Variants in NAV2 observed in about 807,000 individuals in gnomAD.
NAV2 encodes the protein neuron navigator 2, also known as helicase, APC down-regulated 1.
A neutral mutation model predicts 223.2 loss-of-function variants in NAV2; 54 were observed. That is an observed-to-expected ratio of 0.24 (90% CI 0.19 to 0.30). NAV2 has a LOEUF of 0.30. Among genes scored for constraint, NAV2 ranks in the 10% least tolerant of loss-of-function variants. NAV2 has a pLI of 1.00. For synonymous variants in NAV2, 1,279 were observed against 1,239.3 expected (o/e 1.03, Z -0.67); for missense variants, 2,806 against 3,147.5 (o/e 0.89, Z 2.60).
chr11:20,087,979 T>G (rs1216109208), intron 26 of NAV2, among the ~76,000 whole-genome samples: 1 of 152,070 alleles, frequency 6.6e-6, no homozygotes, highest in African/African-American at 2.4e-5. Flanking sequence ...GTAAATGTGA[T>G]CAGATGCCAG....
At chr11:19,910,585 G>A (rs577555295) in intron 6 of NAV2, among the ~76,000 whole-genome samples, 15 of 152,314 alleles carry the variant, frequency 9.8e-5, no homozygotes, top group African/African-American at 2.9e-4. Flanking sequence ...CTAGCCAGGC[G>A]CGGTGGCTTA....
intron 3 of NAV2, among the ~76,000 whole-genome samples, chr11:19,864,248 G>A (rs765223300): frequency 1.3e-5 from 2 of 152,166 alleles, no homozygotes; most frequent in Non-Finnish European, 2.9e-5. Flanking sequence ...CATTTATTTG[G>A]TATGCCCAGA....
intron 1 of NAV2, among the ~76,000 whole-genome samples, chr11:19,449,527 C>A (rs1421069783): frequency 6.6e-6 from 1 of 151,966 alleles, no homozygotes; most frequent in African/African-American, 2.4e-5. Flanking sequence ...CTGCCCATAC[C>A]TCCTCAGGCA....
chr11:19,560,654 C>T (rs2045061415), intron 1 of NAV2, among the ~76,000 whole-genome samples: 1 of 152,148 alleles, frequency 6.6e-6, no homozygotes, highest in African/African-American at 2.4e-5. Context: ...TATTGCTATA[C>T]AAATATTGGT....
At chr11:20,050,247 C>G (rs1303069001) in intron 16 of NAV2, among the ~76,000 whole-genome samples, 1 of 152,134 alleles carries the variant, frequency 6.6e-6, no homozygotes, top group Non-Finnish European at 1.5e-5. Flanking sequence ...TTGCCACCCC[C>G]AACCCCAAGC....
At chr11:19,346,551 C>A (rs568865542), upstream of NAV2, among the ~76,000 whole-genome samples, 5 of 152,374 alleles carry the variant, frequency 3.3e-5, no homozygotes, top group East Asian at 9.6e-4. Context: ...ACTCAGGCGG[C>A]GGCGGTGGCA....
chr11:19,846,676 T>C (rs2060829597), intron 3 of NAV2, among the ~76,000 whole-genome samples: 1 of 152,216 alleles, frequency 6.6e-6, no homozygotes, highest in Admixed American at 6.5e-5. Context: ...TGGGCTGGCA[T>C]AACACTCACA....
chr11:19,498,735 G>A (rs2042875556), intron 1 of NAV2, among the ~76,000 whole-genome samples: 1 of 152,148 alleles, frequency 6.6e-6, no homozygotes, highest in African/African-American at 2.4e-5. Context: ...TATTTATTGA[G>A]CTACTATTGT....
At chr11:19,375,322 T>A (rs556477796) in intron 1 of NAV2, among the ~76,000 whole-genome samples, 1 of 152,258 alleles carries the variant, frequency 6.6e-6, no homozygotes, top group South Asian at 2.1e-4. Flanking sequence ...TAAGCAGGTG[T>A]GTTTAAATTT....
intron 7 of NAV2, among the ~76,000 whole-genome samples, chr11:19,934,727 A>G (rs2045690608): frequency 1.3e-5 from 2 of 152,324 alleles, no homozygotes; most frequent in South Asian, 4.2e-4. Flanking sequence ...TATAGCAGGG[A>G]TTGCCTTGAA....
rs556928142 is a variant in NAV2, at chr11:20,106,596, C to T, written c.6841+869C>T. Reference sequence around the variant, plus strand: ...AAAATCCTTTTTCATTTAGCACTATCTCATGAGCATTCTTTGTTGCTACTC... The same window carrying T: ...AAAATCCTTTTTCATTTAGCACTATTTCATGAGCATTCTTTGTTGCTACTC... On this transcript the variant is annotated intron_variant, in intron 35 of 37. Coordinates refer to ENST00000349880, the MANE Select transcript of NAV2 (RefSeq NM_145117.5). Among the ~76,000 whole-genome samples the T allele has an allele frequency of 3.3e-3, 484 of 148,524 alleles. 3 individuals carry two copies. Among genetic ancestry groups the T allele is most frequent in the Non-Finnish European group, 4.6e-3 (311 of 67,344 alleles).
At chr11:19,531,657 A>G (rs2044031092) in intron 1 of NAV2, among the ~76,000 whole-genome samples, 1 of 152,190 alleles carries the variant, frequency 6.6e-6, no homozygotes, top group Admixed American at 6.5e-5. Flanking sequence ...TGGGAATTCA[A>G]ATGGACTCAT....
intron 1 of NAV2, among the ~76,000 whole-genome samples, chr11:19,628,597 TCA>T (rs1470734597): frequency 2.6e-5 from 4 of 152,184 alleles, no homozygotes; most frequent in African/African-American, 9.7e-5. Flanking sequence ...CACATGTAAC[TCA>T]CAGATCCTGA....
chr11:20,093,271 T>G (rs1288101174), intron 29 of NAV2, 72 bp downstream of exon 29: 4 of 999,208 alleles, frequency 4.0e-6, no homozygotes, highest in Non-Finnish European at 6.4e-6. Flanking sequence ...GTGATCTAAT[T>G]GTAAAACCTC....
intron 1 of NAV2, among the ~76,000 whole-genome samples, chr11:19,389,284 C>A (rs768050503): frequency 1.3e-4 from 20 of 152,318 alleles, no homozygotes; most frequent in Non-Finnish European, 2.6e-4. Flanking sequence ...GGGCTCTAGG[C>A]CACAGGGAGG....
intron 10 of NAV2, among the ~76,000 whole-genome samples, chr11:19,966,408 C>T (rs1020309766): frequency 1.3e-5 from 2 of 152,176 alleles, no homozygotes; most frequent in Non-Finnish European, 2.9e-5. Flanking sequence ...TAGCACAGAG[C>T]ATGGTGCATC....
rs79924530 is a variant in NAV2, at chr11:19,888,216, C to T, written c.771-4218C>T. On this transcript the variant is annotated intron_variant, in intron 5 of 37. Coordinates refer to ENST00000349880, the MANE Select transcript of NAV2 (RefSeq NM_145117.5). ...TCTGTTATTTGTAATTGTGTTTGGA[C>T]ATACAGTGATTATGAGAGGTCAAGT... Among the ~76,000 whole-genome samples, 1,169 of 152,262 alleles carry T rather than the reference C, an allele frequency of 7.7e-3. 14 individuals carry two copies. Among genetic ancestry groups the T allele is most frequent in the South Asian group, 0.038 (182 of 4,822 alleles).
intron 11 of NAV2, among the ~76,000 whole-genome samples, chr11:20,013,263 C>T (rs1487104924): frequency 6.6e-6 from 1 of 152,162 alleles, no homozygotes; most frequent in Non-Finnish European, 1.5e-5. Flanking sequence ...GTCTCTGGCG[C>T]GCTGTTGGTT....
intron 15 of NAV2, 45 bp from the exon 16 acceptor site, chr11:20,049,791 A>G: frequency 2.5e-6 from 4 of 1,580,444 alleles, no homozygotes; most frequent in Non-Finnish European, 3.5e-6. Context: ...CCTTTCTTCC[A>G]AGCTAACGTT....
Sources: gnomAD v4.1 joint callset for allele counts (sites outside exome capture counted in the v4.1 genomes callset) on GRCh38, gnomAD v4.1.1 for gene constraint, MANE v1.5 for transcripts, NCBI Gene and HGNC (gene_info 2026-07-23, HGNC 2026-07-21) for gene names.